CCDC33: variants seen among roughly 807,000 people sequenced by gnomAD.
CCDC33 encodes coiled-coil domain containing 33, also known as coiled-coil domain-containing protein 33.
In CCDC33, 94 loss-of-function variants were observed where a neutral mutation model predicts 91.9. The ratio of observed to expected loss-of-function variants is 1.02; its 90% confidence interval spans 0.87 to 1.21. CCDC33 has a LOEUF of 1.21. Among genes scored for constraint, CCDC33 ranks in the 50% most tolerant of loss-of-function variants. The pLI is 0.00. For synonymous variants in CCDC33, 396 were observed against 374.5 expected, an observed-to-expected ratio of 1.06 and a Z score of -0.66; for missense variants, 940 against 935.5, an observed-to-expected ratio of 1.00 and a Z score of -0.06.
chr15:74,278,654 G>A (rs2076512290), intron 7 of CCDC33, among the ~76,000 whole-genome samples: 1 of 152,186 alleles, frequency 6.6e-6, no homozygotes, highest in African/African-American at 2.4e-5. Flanking sequence ...ATTTTTGATT[G>A]TGCTGTTTTC....
intron 15 of CCDC33, among the ~76,000 whole-genome samples, chr15:74,332,350 G>A (rs1415539347): frequency 1.3e-5 from 2 of 152,208 alleles, no homozygotes; most frequent in Non-Finnish European, 2.9e-5. Flanking sequence ...ATGAGACTGA[G>A]AAGGCAACCT....
At chr15:74,207,553 C>T (rs2142111914) in intron 1 of CCDC33, 3 of 755,126 alleles carry the variant, frequency 4.0e-6, no homozygotes, top group Non-Finnish European at 6.5e-6. Flanking sequence ...TCCACCCTCC[C>T]ATCTCAGCCC....
intron 7 of CCDC33, among the ~76,000 whole-genome samples, chr15:74,277,559 G>C (rs529380494): frequency 6.6e-6 from 1 of 152,324 alleles, no homozygotes; most frequent in Non-Finnish European, 1.5e-5. Flanking sequence ...ATTAGCATCT[G>C]CAGGCGATGC....
downstream of CCDC33, chr15:74,336,347 G>A (rs1208651036): frequency 9.6e-6 from 13 of 1,359,054 alleles, no homozygotes; most frequent in Middle Eastern, 2.0e-4. Flanking sequence ...CCAGGGAGAC[G>A]GGCCCCTTCC....
intron 10 of CCDC33, among the ~76,000 whole-genome samples, chr15:74,289,280 C>G (rs964286826): frequency 1.3e-5 from 2 of 152,226 alleles, no homozygotes; most frequent in African/African-American, 2.4e-5. Context: ...GCCAGACTTG[C>G]TGAAGTCCTC....
At chr15:74,296,416 G>A (rs1304341816) in intron 11 of CCDC33, among the ~76,000 whole-genome samples, 4 of 152,112 alleles carry the variant, frequency 2.6e-5, no homozygotes, top group Non-Finnish European at 4.4e-5. Flanking sequence ...CCCGAGGTCG[G>A]GAGTTCGAGA....
intron 1 of CCDC33, chr15:74,207,665 T>C (rs1314188506): frequency 6.5e-7 from 1 of 1,529,042 alleles, no homozygotes; most frequent in East Asian, 2.4e-5. Flanking sequence ...AGAGAGGCGT[T>C]CCAGGAGTGG....
chr15:74,307,200 T>C (rs1298651553), intron 11 of CCDC33, among the ~76,000 whole-genome samples: 1 of 152,160 alleles, frequency 6.6e-6, no homozygotes, highest in Non-Finnish European at 1.5e-5. Context: ...AGGTGGACTA[T>C]AGAACCAGGA....
At chr15:74,257,417 G>C (rs140892199) in intron 2 of CCDC33, among the ~76,000 whole-genome samples, 1 of 152,196 alleles carries the variant, frequency 6.6e-6, no homozygotes, top group Admixed American at 6.5e-5. Context: ...CCCTGCCTCA[G>C]ATCTCAGCTC....
intron 2 of CCDC33, among the ~76,000 whole-genome samples, chr15:74,246,233 C>T (rs351152): frequency 0.41 from 62,385 of 152,060 alleles, 15,570 homozygotes; most frequent in African/African-American, 0.69. Context: ...GAAGAAAACA[C>T]AGGGGAAAGG....
chr15:74,239,823 G>A (rs1420494646), intron 1 of CCDC33, among the ~76,000 whole-genome samples: 1 of 1,474 alleles, frequency 6.8e-4, no homozygotes, highest in African/African-American at 2.5e-3. Context: ...TGCAAACTGA[G>A]AGTTACGGGG....
intron 18 of CCDC33, 143 bp downstream of exon 18, chr15:74,335,231 C>T: frequency 1.3e-6 from 1 of 773,722 alleles, no homozygotes; most frequent in South Asian, 1.4e-5. Flanking sequence ...GGCTCCCATT[C>T]CTGCTCCATT....
upstream of CCDC33, among the ~76,000 whole-genome samples, chr15:74,232,807 T>C (rs981896125): frequency 2.0e-5 from 3 of 152,164 alleles, no homozygotes; most frequent in East Asian, 1.9e-4. Context: ...CGTGCTTGCT[T>C]TTTTCCCTGC....
intron 10 of CCDC33, among the ~76,000 whole-genome samples, chr15:74,287,882 C>T (rs2059509379): frequency 6.6e-6 from 1 of 152,212 alleles, no homozygotes; most frequent in Non-Finnish European, 1.5e-5. Context: ...GCCCCCAGGT[C>T]ACAGACTCTG....
chr15:74,269,709 G>C (rs1175317252), intron 5 of CCDC33, among the ~76,000 whole-genome samples: 3 of 151,368 alleles, frequency 2.0e-5, no homozygotes, highest in African/African-American at 7.3e-5. Flanking sequence ...TAGAGCGGTA[G>C]AGTAGGGGCC....
chr15:74,326,014 G>C (rs1006003406), intron 11 of CCDC33, among the ~76,000 whole-genome samples: 1 of 152,138 alleles, frequency 6.6e-6, no homozygotes, highest in Admixed American at 6.5e-5. Context: ...CACTGCCCAG[G>C]GTTATAATAA....
At chr15:74,307,908 T>TCCCCCCCC (rs2059920867) in intron 11 of CCDC33, among the ~76,000 whole-genome samples, 1 of 143,212 alleles carries the variant, frequency 7.0e-6, no homozygotes, top group African/African-American at 2.6e-5. Flanking sequence ...ACCCCACCCA[T>TCCCCCCCC]CCCCTTTTCT....
At chr15:74,259,197 G>T (rs534020284) in intron 2 of CCDC33, among the ~76,000 whole-genome samples, 13 of 152,004 alleles carry the variant, frequency 8.6e-5, no homozygotes, top group Admixed American at 3.9e-4. Flanking sequence ...CAGGTCTTTG[G>T]GGGGACAGGG....
At chr15:74,305,069 C>T (rs897154229) in intron 11 of CCDC33, among the ~76,000 whole-genome samples, 19 of 152,104 alleles carry the variant, frequency 1.2e-4, no homozygotes, top group African/African-American at 4.3e-4. Flanking sequence ...GTTTCAGCCT[C>T]CCAAGTAGCT....
Sources: gnomAD v4.1 joint callset for allele counts (sites outside exome capture counted in the v4.1 genomes callset) on GRCh38, gnomAD v4.1.1 for gene constraint, MANE v1.5 for transcripts, NCBI Gene and HGNC (gene_info 2026-07-23, HGNC 2026-07-21) for gene names.